ZHX3: variants seen among roughly 807,000 people sequenced by gnomAD.
ZHX3 encodes zinc fingers and homeoboxes 3, also known as zinc fingers and homeoboxes protein 3.
In ZHX3, 20 loss-of-function variants were observed where a neutral mutation model predicts 64.5. That is an observed-to-expected ratio of 0.31 (90% CI 0.22 to 0.45). ZHX3 has a LOEUF of 0.45. Among genes scored for constraint, ZHX3 ranks in the 20% least tolerant of loss-of-function variants. The probability of loss-of-function intolerance (pLI) is 1.00; values close to 1 mark genes in which losing one functional copy is unlikely to be tolerated. For missense variants in ZHX3, 1,041 were observed against 1,195.8 expected, an observed-to-expected ratio of 0.87 and a Z score of 1.91; for synonymous variants, 423 against 461.6, an observed-to-expected ratio of 0.92 and a Z score of 1.07.
At chr20:41,222,661 C>G (rs916208953) in intron 2 of ZHX3, among the ~76,000 whole-genome samples, 5 of 152,072 alleles carry the variant, frequency 3.3e-5, no homozygotes, top group African/African-American at 1.2e-4. Context: ...TGAGACAGCG[C>G]CTTTCAAAGT....
chr20:41,198,483 G>GTT (rs202195899), intron 3 of ZHX3, among the ~76,000 whole-genome samples: 1 of 144,724 alleles, frequency 6.9e-6, no homozygotes, highest in Non-Finnish European at 1.5e-5. Context: ...TGGTTTAGAG[G>GTT]TTTTTTTTTT....
chr20:41,236,831 C>T (rs1182258857), intron 2 of ZHX3, among the ~76,000 whole-genome samples: 12 of 152,136 alleles, frequency 7.9e-5, no homozygotes, highest in African/African-American at 2.9e-4. Context: ...GAACAGGCAA[C>T]CTACAGAATG....
chr20:41,313,658 C>T (rs1438041836), intron 1 of ZHX3, among the ~76,000 whole-genome samples: 1 of 128,028 alleles, frequency 7.8e-6, no homozygotes, highest in African/African-American at 3.1e-5. Flanking sequence ...AGTGCAGTGG[C>T]GAGATCTCAG....
At chr20:41,227,930 C>A (rs556706555) in intron 2 of ZHX3, among the ~76,000 whole-genome samples, 18 of 152,134 alleles carry the variant, frequency 1.2e-4, no homozygotes, top group Non-Finnish European at 2.4e-4. Context: ...TCTTCCCCCT[C>A]CCCCATGCCA....
At position 41,317,637 on chromosome 20, in the gene ZHX3, C is replaced by A. The variant is rs2045327555; in HGVS notation, c.-373G>T. 2 of 150,070 alleles carry A rather than the reference C, an allele frequency of 1.3e-5. No individual in the cohort carries two copies. The highest frequency in any genetic ancestry group is 3.0e-5 in the Non-Finnish European group (2 of 67,244). 9.3% of individuals were successfully genotyped at this position (150,070 alleles called of 1,614,324 possible). ...GGCGGCGGCGGCGGCGACGCCGGAG[C>A]CGCGGACTGCTGAGCGGCGGGGACG... is the stretch of plus-strand genomic sequence containing the variant. On this transcript the variant is annotated 5_prime_UTR_variant, in exon 1 of 4. Coordinates refer to ENST00000683867, the MANE Select transcript of ZHX3 (RefSeq NM_001384317.1).
chr20:41,278,664 A>C (rs1356092177), intron 1 of ZHX3, among the ~76,000 whole-genome samples: 1 of 142,128 alleles, frequency 7.0e-6, no homozygotes, highest in East Asian at 2.1e-4. Flanking sequence ...TACTTATTGT[A>C]GATATATGGA....
intron 2 of ZHX3, among the ~76,000 whole-genome samples, chr20:41,206,128 A>G (rs143793486): frequency 2.0e-3 from 301 of 152,326 alleles, no homozygotes; most frequent in African/African-American, 6.9e-3. Flanking sequence ...GGACATCCAC[A>G]CCAAAACCCC....
chr20:41,183,321 C>T lies in ZHX3; in HGVS notation c.*1870G>A, dbSNP rs1349388346. ...AGGTTTTTGAGACCAAACATCTTTA[C>T]TCCCCAAATTAAGAATACAAAAATA... On this transcript the variant is annotated 3_prime_UTR_variant, in exon 4 of 4. Coordinates refer to ENST00000683867, the MANE Select transcript of ZHX3 (RefSeq NM_001384317.1). The surrounding 1 kb of genome is among the most constrained non-coding windows in gnomAD (Gnocchi z 5.3). The T allele has an allele frequency of 6.6e-6, 1 of 152,224 alleles. No individual in the cohort carries two copies. Among genetic ancestry groups the T allele is most frequent in the African/African-American group, 2.4e-5 (1 of 41,456 alleles). The allele number at this position is 152,224 out of a possible 1,614,324, so 9.4% of individuals were successfully genotyped here. A position where few individuals can be genotyped will look rare whatever the true frequency, so the allele number is the denominator to read the frequency against.
chr20:41,315,440 G>T (rs544178885), intron 1 of ZHX3, among the ~76,000 whole-genome samples: 1 of 136,426 alleles, frequency 7.3e-6, no homozygotes, highest in Admixed American at 8.2e-5. Context: ...TGATCCGCCC[G>T]CCTCGGCCTC....
At position 41,251,835 on chromosome 20, in the gene ZHX3, A is replaced by AAT. The variant is rs149296506; in HGVS notation, c.-151+17153_-151+17154dup. ...TAAATATCCTAAAAGTGAGATACAA[A>AAT]ATATATATATATATATAACATGGCT... On this transcript the variant is annotated intron_variant, in intron 2 of 3. Coordinates refer to ENST00000683867, the MANE Select transcript of ZHX3 (RefSeq NM_001384317.1). Among the ~76,000 whole-genome samples, 440 of 149,682 alleles carry AAT rather than the reference A, an allele frequency of 2.9e-3. 3 individuals are homozygous for AAT. Among genetic ancestry groups the AAT allele is most frequent in the East Asian group, 0.012 (64 of 5,138 alleles).
rs1306387854 is a variant in ZHX3, at chr20:41,183,165, T to C, written c.*2026A>G. 6.7e-6 allele frequency: 1 copy of C among 149,462 alleles called. No individual in the cohort carries two copies. The highest frequency in any genetic ancestry group is 1.5e-5 in the Non-Finnish European group (1 of 67,420). The allele number at this position is 149,462 out of a possible 1,614,324, so 9.3% of individuals were successfully genotyped here. A position where few individuals can be genotyped will look rare whatever the true frequency, so the allele number is the denominator to read the frequency against. Reference sequence around the variant, plus strand: ...TTTACGAGAATCAAATGAGTATTTATACTGTATATGTGTGTGTGTATATAT... The same window carrying C: ...TTTACGAGAATCAAATGAGTATTTACACTGTATATGTGTGTGTGTATATAT... On this transcript the variant is annotated 3_prime_UTR_variant, in exon 4 of 4. Coordinates refer to ENST00000683867, the MANE Select transcript of ZHX3 (RefSeq NM_001384317.1). The surrounding 1 kb of genome is among the most constrained non-coding windows in gnomAD (Gnocchi z 5.3).
At chr20:41,246,600 C>A (rs1365156274) in intron 2 of ZHX3, among the ~76,000 whole-genome samples, 2 of 152,110 alleles carry the variant, frequency 1.3e-5, no homozygotes, top group East Asian at 3.9e-4. Flanking sequence ...AGGCCAGGCG[C>A]AGTGGCTCAC....
At chr20:41,190,195 A>G (rs1324446548) in intron 3 of ZHX3, among the ~76,000 whole-genome samples, 2 of 152,152 alleles carry the variant, frequency 1.3e-5, no homozygotes, top group African/African-American at 2.4e-5. Flanking sequence ...AGGCGGAAGC[A>G]CAGGGGTGCA....
intron 1 of ZHX3, among the ~76,000 whole-genome samples, chr20:41,295,217 T>C (rs1194520726): frequency 6.6e-6 from 1 of 151,972 alleles, no homozygotes; most frequent in Non-Finnish European, 1.5e-5. Flanking sequence ...GAGATGCAAA[T>C]AAACAATATT....
rs551153810 is a variant in ZHX3 at position 41,228,217 on chromosome 20, T to C, written c.-150-23151A>G. 3.3e-5 allele frequency among the ~76,000 whole-genome samples: 5 copies of C among 152,274 alleles called. No homozygotes were observed. In the South Asian group the frequency reaches 1.0e-3, roughly 32 times the overall value. On this transcript the variant is annotated intron_variant, in intron 2 of 3. Coordinates refer to ENST00000683867, the MANE Select transcript of ZHX3 (RefSeq NM_001384317.1). The surrounding 1 kb of genome is among the most constrained non-coding windows in gnomAD (Gnocchi z 4.6). ...AATCACCCTTGCCAGCCCTGACCTA[T>C]CTACCAAGTTCCAAATCCATTACTT...
At chr20:41,197,527 T>C (rs542488878) in intron 3 of ZHX3, among the ~76,000 whole-genome samples, 2 of 151,710 alleles carry the variant, frequency 1.3e-5, no homozygotes, top group East Asian at 3.9e-4. Context: ...TATCTTTTTC[T>C]ATCCTTTTAC....
Position 41,268,523 on chromosome 20 carries a change from C to T in ZHX3, c.-151+467G>A, listed in dbSNP as rs187291540. Among the ~76,000 whole-genome samples the T allele has an allele frequency of 1.2e-3, 178 of 152,198 alleles. 1 individual carries two copies. Among genetic ancestry groups the T allele is most frequent in the Non-Finnish European group, 1.4e-3 (97 of 68,008 alleles). ...ATCATTTTTTAAAAGGTTTCCTATT[C>T]CACAGATCCCAGAGATAAGTGTAGT... On this transcript the variant is annotated intron_variant, in intron 2 of 3. Transcript: ENST00000683867.
At chr20:41,198,131 A>G (rs2037911618) in intron 3 of ZHX3, among the ~76,000 whole-genome samples, 1 of 151,466 alleles carries the variant, frequency 6.6e-6, no homozygotes. Context: ...CAGCCTCCCA[A>G]GTAGCTGGGA....
At chr20:41,247,630 C>A (rs2041774328) in intron 2 of ZHX3, among the ~76,000 whole-genome samples, 1 of 152,134 alleles carries the variant, frequency 6.6e-6, no homozygotes, top group Non-Finnish European at 1.5e-5. Flanking sequence ...TCCCCAGTGA[C>A]CAACTTGCAC....
Sources: allele counts gnomAD v4.1 joint callset (sites outside exome capture counted in the v4.1 genomes callset), GRCh38; gene constraint gnomAD v4.1.1; non-coding constraint Gnocchi (gnomAD v3.1); transcripts MANE v1.5; gene names NCBI Gene and HGNC (gene_info 2026-07-23, HGNC 2026-07-21).